LGALSL: variants seen among roughly 807,000 people sequenced by gnomAD.
LGALSL encodes galectin-related protein.
Under a neutral mutation model 19.5 loss-of-function variants are expected in LGALSL, and 13 were observed. The observed-to-expected ratio is 0.67, with a 90% CI of 0.43 to 1.06. The LOEUF is 1.06. LGALSL is among the 50% of genes least tolerant of loss of function. LGALSL has a pLI of 0.00. For synonymous variants in LGALSL, 86 were observed against 78.3 expected (o/e 1.10, Z -0.52); for missense variants, 189 against 219.3 (o/e 0.86, Z 0.87).
At position 64,460,020 on chromosome 2, in the gene LGALSL, T is replaced by G. The variant is rs1686793299; in HGVS notation, c.*1592T>G. On this transcript the variant is annotated 3_prime_UTR_variant, in exon 5 of 5. Coordinates refer to ENST00000238875, the MANE Select transcript of LGALSL (RefSeq NM_014181.3). ...CCTGCTTTCCTTTTTTGAGTTTTTTTTTTTTTTTTACACAACATGCAGAGG... is the reference window on the plus strand; with the variant it reads ...CCTGCTTTCCTTTTTTGAGTTTTTTGTTTTTTTTTACACAACATGCAGAGG... 6.6e-6 allele frequency: 1 copy of G among 151,992 alleles called. No individual in the cohort carries two copies. The highest frequency in any genetic ancestry group is 2.4e-5 in the African/African-American group (1 of 41,412). The allele number at this position is 151,992 out of a possible 1,614,324, so 9.4% of individuals were successfully genotyped here.
Position 64,458,624 on chromosome 2 carries a change from A to G in LGALSL, c.*196A>G, listed in dbSNP as rs149801663. 112 of 460,958 alleles carry G rather than the reference A, an allele frequency of 2.4e-4. No homozygotes were observed. Among genetic ancestry groups the G allele is most frequent in the African/African-American group, 2.2e-3 (108 of 49,954 alleles). The allele number at this position is 460,958 out of a possible 1,614,324, so 28.6% of individuals were successfully genotyped here. ...CGAGCCATTATACCCAGAATAAAAT[A>G]ATACATTTATGCTGGATTTTATTCA... On this transcript the variant is annotated 3_prime_UTR_variant, in exon 5 of 5. Coordinates refer to ENST00000238875, the MANE Select transcript of LGALSL (RefSeq NM_014181.3).
chr2:64,456,153 T>A (rs1686732398), intron 3 of LGALSL, 135 bp from the exon 4 acceptor site: 2 of 679,808 alleles, frequency 2.9e-6, no homozygotes, highest in Non-Finnish European at 4.9e-6. Flanking sequence ...TTCTCCATAA[T>A]CTAACCTCTC....
chr2:64,455,014 G>GC (rs1686710099), intron 1 of LGALSL, among the ~76,000 whole-genome samples: 1 of 152,172 alleles, frequency 6.6e-6, no homozygotes, highest in South Asian at 2.1e-4. Context: ...CGAAGGACAG[G>GC]CCTGGCCCAC....
rs995934914 is a variant in LGALSL, at chr2:64,459,968, C to G, written c.*1540C>G. ...ATTTAGGTTTTGTTTGTACAGCATA[C>G]TGTGTCTTGTAATGACACATCCTTG... is the stretch of plus-strand genomic sequence containing the variant. On this transcript the variant is annotated 3_prime_UTR_variant, in exon 5 of 5. Transcript: ENST00000238875. 3 of 150,432 alleles carry G rather than the reference C, an allele frequency of 2.0e-5. No individual in the cohort carries two copies. The highest frequency in any genetic ancestry group is 2.9e-5 in the Non-Finnish European group (2 of 67,834). 9.3% of individuals were successfully genotyped at this position (150,432 alleles called of 1,614,324 possible).
intron 3 of LGALSL, 62 bp downstream of exon 3, chr2:64,455,739 GT>G: frequency 7.8e-7 from 1 of 1,283,010 alleles, no homozygotes; most frequent in Non-Finnish European, 1.1e-6. Flanking sequence ...GCCCACTTCT[GT>G]TGTGGTTTAG....
intron 3 of LGALSL, 83 bp from the exon 4 acceptor site, chr2:64,456,205 A>C (rs928396318): frequency 8.1e-7 from 1 of 1,230,284 alleles, no homozygotes; most frequent in African/African-American, 1.5e-5. Context: ...AACCCAGAGG[A>C]GGAAGAAGAA....
At chr2:64,456,529 G>T in intron 4 of LGALSL, 64 bp downstream of exon 4, 1 of 1,349,044 alleles carries the variant, frequency 7.4e-7, no homozygotes, top group South Asian at 1.6e-5. Context: ...CTTACCTAGT[G>T]TGTGCCAAGA....
At chr2:64,455,272 C>A in intron 1 of LGALSL, 72 bp from the exon 2 acceptor site, 2 of 955,578 alleles carry the variant, frequency 2.1e-6, no homozygotes, top group African/African-American at 1.6e-5. Flanking sequence ...TCCACCACAT[C>A]TGTGTGGGTT....
At chr2:64,457,965 A>T (rs916125768) in intron 4 of LGALSL, among the ~76,000 whole-genome samples, 1 of 152,188 alleles carries the variant, frequency 6.6e-6, no homozygotes, top group Non-Finnish European at 1.5e-5. Context: ...AATAAATGTG[A>T]CTAGTATCAC....
In LGALSL at chr2:64,454,517, C is replaced by T. The variant is rs763552898; in HGVS notation, c.-29C>T. 38 of 1,379,494 alleles carry T rather than the reference C, an allele frequency of 2.8e-5. 1 individual carries two copies. The South Asian group carries it at 5.4e-4, about 20-fold the overall frequency. The allele number at this position is 1,379,494 out of a possible 1,614,324, so 85.5% of individuals were successfully genotyped here. ...GGGATCCCCGCCCGCGCGCCGCGTC[C>T]CACGTACCCCGCCGCGCCGGGCAAG... On this transcript the variant is annotated 5_prime_UTR_variant, in exon 1 of 5. Coordinates refer to ENST00000238875, the MANE Select transcript of LGALSL (RefSeq NM_014181.3). The surrounding 1 kb of genome is among the most constrained non-coding windows in gnomAD (Gnocchi z 5.1).
rs1411285063 is a variant in LGALSL, at chr2:64,454,791, G to A, written c.36+210G>A. ...CTCCCGGGCTGCGGGGCTCTGGGCT[G>A]GGGAGGGAGTTTGGGGAGGATGGCG... On this transcript the variant is annotated intron_variant, in intron 1 of 4. Transcript: ENST00000238875. This position sits in a 1 kb window ranked among gnomAD's most constrained non-coding sequence, Gnocchi z 5.1. Among the ~76,000 whole-genome samples the A allele has an allele frequency of 6.6e-6, 1 of 151,818 alleles. No individual in the cohort carries two copies. Among genetic ancestry groups the A allele is most frequent in the African/African-American group, 2.4e-5 (1 of 41,316 alleles).
rs1686810132 is a variant in LGALSL at position 64,460,556 on chromosome 2, C to T, written c.*2128C>T. 6.6e-6 allele frequency: 1 copy of T among 152,206 alleles called. No individual in the cohort carries two copies. The highest frequency in any genetic ancestry group is 1.5e-5 in the Non-Finnish European group (1 of 68,048). The allele number at this position is 152,206 out of a possible 1,614,324, so 9.4% of individuals were successfully genotyped here. A position where few individuals can be genotyped will look rare whatever the true frequency, so the allele number is the denominator to read the frequency against. ...CACGCTTATTCTGTCTACCTATCAG[C>T]TAACTCATTAGCAGCCAAGCCCTTA... On this transcript the variant is annotated 3_prime_UTR_variant, in exon 5 of 5. Coordinates refer to ENST00000238875, the MANE Select transcript of LGALSL (RefSeq NM_014181.3).
intron 4 of LGALSL, among the ~76,000 whole-genome samples, chr2:64,457,965 A>G (rs916125768): frequency 6.6e-6 from 1 of 152,188 alleles, no homozygotes; most frequent in Non-Finnish European, 1.5e-5. Context: ...AATAAATGTG[A>G]CTAGTATCAC....
In LGALSL at chr2:64,456,294, A is replaced by G; in HGVS notation, c.204A>G (p.Ala68=). 6.2e-7 allele frequency: 1 copy of G among 1,610,886 alleles called. No homozygotes were observed. Among genetic ancestry groups the G allele is most frequent in the Non-Finnish European group, 8.5e-7 (1 of 1,178,894 alleles). ...GGGATGATTTTCTTTTCAGCTTTGC[A>G]ATCAGCTTGACCTGTGGGGACTCAG... The part of the protein sequence containing the change: ...GIVDLNPESF[A]ISLTCGDSED... The change falls in exon 4 of 5, where the codon GCA becomes GCG. Residue 68 remains alanine (A), a synonymous_variant. Transcript: ENST00000238875.
rs374901767 is a variant in LGALSL, at chr2:64,456,285, C to T, written c.198-3C>T. 2.4e-5 allele frequency: 39 copies of T among 1,609,386 alleles called. No homozygotes were observed. The African/African-American group carries it at 4.8e-4, about 20-fold the overall frequency. ...TTAATCAGTGGGATGATTTTCTTTT[C>T]AGCTTTGCAATCAGCTTGACCTGTG... is the stretch of plus-strand genomic sequence containing the variant. On this transcript the variant is annotated splice_polypyrimidine_tract_variant and splice_region_variant and intron_variant, in intron 3 of 4. Coordinates refer to ENST00000238875, the MANE Select transcript of LGALSL (RefSeq NM_014181.3).
In LGALSL at chr2:64,455,406, C is replaced by T. The variant is rs772545585; in HGVS notation, c.99C>T (p.Phe33=). 1 of 1,612,372 alleles carries T rather than the reference C, an allele frequency of 6.2e-7. No homozygotes were observed. The highest frequency in any genetic ancestry group is 1.1e-5 in the South Asian group (1 of 91,048). ...CTCCAGTTCAAGCGGACGTGTACTT[C>T]CCACGACTGGTAAATGATTTTGCTC... ...LSSPVQADVY[F]PRLIVPFCGH... is the part of the protein sequence containing the mutation. Residue 33 remains phenylalanine (F), a synonymous_variant, in exon 2 of 5, where the codon TTC becomes TTT. Coordinates refer to ENST00000238875, the MANE Select transcript of LGALSL (RefSeq NM_014181.3).
Position 64,455,626 on chromosome 2 carries a change from G to A in LGALSL, c.146G>A (p.Arg49Lys). The change falls in exon 3 of 5, where the codon AGA (arginine) becomes AAA (lysine). Residue 49 changes from arginine to lysine, a missense_variant. Transcript: ENST00000238875. Reference protein sequence around the residue: ...PFCGHIKGGMRPGKKVLVMGI... With the variant: ...PFCGHIKGGMKPGKKVLVMGI... ...TGTGGGCACATTAAAGGTGGCATGA[G>A]ACCAGGCAAGAAGGTGTTAGTGATG... 1.9e-6 allele frequency: 3 copies of A among 1,614,150 alleles called. No homozygotes were observed. Among genetic ancestry groups the A allele is most frequent in the Non-Finnish European group, 2.5e-6 (3 of 1,179,992 alleles).
At chr2:64,457,140 G>T (rs1686748818) in intron 4 of LGALSL, among the ~76,000 whole-genome samples, 1 of 152,142 alleles carries the variant, frequency 6.6e-6, no homozygotes, top group South Asian at 2.1e-4. Flanking sequence ...AATAAGAGAT[G>T]CAGGTAGTGG....
In LGALSL at chr2:64,459,914, G is replaced by A. The variant is rs554510706; in HGVS notation, c.*1486G>A. The stretch of plus-strand genomic sequence containing the variant: ...TGATCAGGTAGTGAGGGAAGACAGG[G>A]TTCTGGGGTGGGGGTGTATTTATAT... On this transcript the variant is annotated 3_prime_UTR_variant, in exon 5 of 5. Coordinates refer to ENST00000238875, the MANE Select transcript of LGALSL (RefSeq NM_014181.3). 59 of 152,254 alleles carry A rather than the reference G, an allele frequency of 3.9e-4. No homozygotes were observed. Among genetic ancestry groups the A allele is most frequent in the African/African-American group, 1.3e-3 (56 of 41,530 alleles). 9.4% of individuals were successfully genotyped at this position (152,254 alleles called of 1,614,324 possible).
Sources: gnomAD v4.1 joint callset for allele counts (sites outside exome capture counted in the v4.1 genomes callset) on GRCh38, gnomAD v4.1.1 for gene constraint, Gnocchi (gnomAD v3.1) non-coding constraint, MANE v1.5 for transcripts, NCBI Gene and HGNC (gene_info 2026-07-23, HGNC 2026-07-21) for gene names.